Variants in TIMMDC1 observed in about 807,000 individuals in gnomAD.
The protein encoded by TIMMDC1 is translocase of inner mitochondrial membrane domain containing 1.
In TIMMDC1, 25 loss-of-function variants were observed where a neutral mutation model predicts 32.6. The ratio of observed to expected loss-of-function variants is 0.77; its 90% CI spans 0.56 to 1.07. TIMMDC1 has a LOEUF of 1.07. Among genes scored for constraint, TIMMDC1 ranks in the 50% least tolerant of loss-of-function variants. TIMMDC1 has a pLI of 0.00. For synonymous variants in TIMMDC1, 130 were observed against 127.6 expected (o/e 1.02, Z -0.13); for missense variants, 329 against 349.2 (o/e 0.94, Z 0.46).
intron 6 of TIMMDC1, among the ~76,000 whole-genome samples, chr3:119,517,653 C>T (rs929568485): frequency 1.1e-4 from 16 of 152,172 alleles, no homozygotes; most frequent in African/African-American, 3.9e-4. Flanking sequence ...AAGGAGTGAG[C>T]TTTACCTGGC....
At chr3:119,517,706 G>T (rs1048646231) in intron 6 of TIMMDC1, among the ~76,000 whole-genome samples, 2 of 152,244 alleles carry the variant, frequency 1.3e-5, no homozygotes, top group East Asian at 3.9e-4. Flanking sequence ...GGTGGCTCAT[G>T]CCTGTAATCC....
At chr3:119,519,907 A>C (rs1577102971) in intron 6 of TIMMDC1, among the ~76,000 whole-genome samples, 1 of 101,116 alleles carries the variant, frequency 9.9e-6, no homozygotes, top group Non-Finnish European at 2.2e-5. Context: ...AACATCAAAT[A>C]TTTTTTCAGA....
At chr3:119,499,962 A>G (rs1360800503) in intron 1 of TIMMDC1, among the ~76,000 whole-genome samples, 1 of 152,168 alleles carries the variant, frequency 6.6e-6, no homozygotes, top group Non-Finnish European at 1.5e-5. Flanking sequence ...TTATTTTTAG[A>G]GCCAGGATCT....
rs1051913893 is a variant in TIMMDC1, at chr3:119,503,690, G to A, written c.449+70G>A. Reference sequence around the variant, plus strand: ...GTTTTAGGAGTGTGTCTTTTGAGCAGGTGGGGTTATGAAAACTGAATACCC... The same window carrying A: ...GTTTTAGGAGTGTGTCTTTTGAGCAAGTGGGGTTATGAAAACTGAATACCC... On this transcript the variant is annotated intron_variant, in intron 3 of 6. Coordinates refer to ENST00000494664, the MANE Select transcript of TIMMDC1 (RefSeq NM_016589.4). 1.1e-4 allele frequency: 137 copies of A among 1,298,240 alleles called. 1 individual carries two copies. Among genetic ancestry groups the A allele is most frequent in the Non-Finnish European group, 2.1e-5 (20 of 946,312 alleles). 80.4% of individuals were successfully genotyped at this position (1,298,240 alleles called of 1,614,324 possible).
At chr3:119,520,624 C>T (rs1176014940) in intron 6 of TIMMDC1, among the ~76,000 whole-genome samples, 1 of 152,124 alleles carries the variant, frequency 6.6e-6, no homozygotes, top group East Asian at 1.9e-4. Flanking sequence ...TGTCCAGGAC[C>T]ACATGGCTTC....
At chr3:119,508,738 C>T (rs768333913) in intron 4 of TIMMDC1, among the ~76,000 whole-genome samples, 26 of 152,166 alleles carry the variant, frequency 1.7e-4, no homozygotes, top group Non-Finnish European at 8.8e-5. Flanking sequence ...TGGGATCTTG[C>T]CTTGCTCTCC....
intron 4 of TIMMDC1, among the ~76,000 whole-genome samples, chr3:119,507,831 T>C (rs192326407): frequency 6.6e-6 from 1 of 152,348 alleles, no homozygotes; most frequent in Non-Finnish European, 1.5e-5. Flanking sequence ...TTTGCAGTCC[T>C]ATGATTAGGT....
At position 119,508,478 on chromosome 3, in the gene TIMMDC1, G is replaced by A. The variant is rs1359555334; in HGVS notation, c.517+4457G>A. Among the ~76,000 whole-genome samples, 3 of 152,210 alleles carry A rather than the reference G, an allele frequency of 2.0e-5. No individual in the cohort carries two copies. The East Asian group carries it at 5.8e-4, about 29-fold the overall frequency. On this transcript the variant is annotated intron_variant, in intron 4 of 6. Transcript: ENST00000494664. ...CCATTTGTTTAGCTTTTTACTTGTT[G>A]TTAGGAATAAGTGATAAACTCTAAA...
intron 4 of TIMMDC1, among the ~76,000 whole-genome samples, chr3:119,512,102 A>AT (rs2081956433): frequency 6.6e-6 from 1 of 152,242 alleles, no homozygotes; most frequent in African/African-American, 2.4e-5. Flanking sequence ...AGGGATTATC[A>AT]TCATACCTTT....
chr3:119,507,571 G>A (rs1416403978), intron 4 of TIMMDC1, among the ~76,000 whole-genome samples: 1 of 152,106 alleles, frequency 6.6e-6, no homozygotes, highest in Non-Finnish European at 1.5e-5. Context: ...ATCCATTAGA[G>A]CCCTTAGTGT....
At chr3:119,506,657 T>G (rs1248734021) in intron 4 of TIMMDC1, among the ~76,000 whole-genome samples, 2 of 152,230 alleles carry the variant, frequency 1.3e-5, no homozygotes, top group Non-Finnish European at 2.9e-5. Context: ...TACTATCTTA[T>G]CGTCCCTGTT....
At chr3:119,503,046 G>C (rs890390057) in intron 2 of TIMMDC1, among the ~76,000 whole-genome samples, 3 of 152,036 alleles carry the variant, frequency 2.0e-5, no homozygotes, top group African/African-American at 7.3e-5. Flanking sequence ...TATCAGTAGG[G>C]ACTCATGGAT....
intron 2 of TIMMDC1, among the ~76,000 whole-genome samples, chr3:119,501,440 A>G (rs1175642614): frequency 1.3e-5 from 2 of 152,164 alleles, no homozygotes; most frequent in African/African-American, 4.8e-5. Context: ...CCTCTGTATA[A>G]TATGTACTAA....
chr3:119,516,992 T>G (rs56973050), intron 5 of TIMMDC1, among the ~76,000 whole-genome samples: 6,745 of 152,186 alleles, frequency 0.044, 469 homozygotes, highest in African/African-American at 0.15. Flanking sequence ...CTTTAGGAGG[T>G]TGTAGTGATT....
chr3:119,505,439 C>T (rs2081912114), intron 4 of TIMMDC1, among the ~76,000 whole-genome samples: 1 of 151,962 alleles, frequency 6.6e-6, no homozygotes, highest in African/African-American at 2.4e-5. Flanking sequence ...TCTCAGCTCA[C>T]CACAACCTCC....
chr3:119,503,643 G>C lies in TIMMDC1; in HGVS notation c.449+23G>C, dbSNP rs1208767262. Reference sequence around the variant, plus strand: ...CAAGTAAGTTCACTCTGAATTGTGAGATAGTGAATTTTCTTGATATTGTTT... The same window carrying C: ...CAAGTAAGTTCACTCTGAATTGTGACATAGTGAATTTTCTTGATATTGTTT... On this transcript the variant is annotated intron_variant, in intron 3 of 6. Transcript: ENST00000494664. The C allele has an allele frequency of 3.2e-6, 5 of 1,559,222 alleles. No individual in the cohort carries two copies. The South Asian group carries it at 4.7e-5, about 15-fold the overall frequency.
At position 119,500,776 on chromosome 3, in the gene TIMMDC1, G is replaced by C; in HGVS notation, c.276G>C (p.Gly92=). ...ATAGIIGWVY[G]GIPAFIHAKQ... is the part of the protein sequence containing the mutation. Reference sequence around the variant, plus strand: ...CAGGCATCATTGGCTGGGTGTATGGGGGAATACCAGCTTTTATTCATGCTA... The same window carrying C: ...CAGGCATCATTGGCTGGGTGTATGGCGGAATACCAGCTTTTATTCATGCTA... Residue 92 remains glycine (G), a synonymous_variant, in exon 2 of 7, where the codon GGG becomes GGC. Transcript: ENST00000494664. The C allele has an allele frequency of 6.2e-7, 1 of 1,614,106 alleles. No individual in the cohort carries two copies. Among genetic ancestry groups the C allele is most frequent in the African/African-American group, 1.3e-5 (1 of 75,022 alleles).
At chr3:119,499,903 A>T (rs1197124768) in intron 1 of TIMMDC1, among the ~76,000 whole-genome samples, 1 of 152,188 alleles carries the variant, frequency 6.6e-6, no homozygotes, top group Non-Finnish European at 1.5e-5. Context: ...TGTGCCACCC[A>T]CTGCATAGTG....
chr3:119,503,612 T>G lies in TIMMDC1; in HGVS notation c.441T>G (p.Thr147=). ...RWGWRTAVFV[T]IFNTVNTSLN... ...GTTGGAGAACTGCAGTGTTTGTGACTATATTCAAGTAAGTTCACTCTGAAT... is the reference window on the plus strand; with the variant it reads ...GTTGGAGAACTGCAGTGTTTGTGACGATATTCAAGTAAGTTCACTCTGAAT... The change falls in exon 3 of 7, where the codon ACT becomes ACG. Residue 147 remains threonine, a synonymous_variant. Coordinates refer to ENST00000494664, the MANE Select transcript of TIMMDC1 (RefSeq NM_016589.4). 5 of 1,605,588 alleles carry G rather than the reference T, an allele frequency of 3.1e-6. No homozygotes were observed. The highest frequency in any genetic ancestry group is 4.3e-6 in the Non-Finnish European group (5 of 1,176,270).
Sources: gnomAD v4.1 joint callset for allele counts (sites outside exome capture counted in the v4.1 genomes callset) on GRCh38, gnomAD v4.1.1 for gene constraint, MANE v1.5 for transcripts, NCBI Gene and HGNC (gene_info 2026-07-23, HGNC 2026-07-21) for gene names.